CCDC138: variants seen among roughly 807,000 people sequenced by gnomAD.
CCDC138 encodes the protein coiled-coil domain-containing protein 138.
A neutral mutation model predicts 82.3 loss-of-function variants in CCDC138; 66 were observed. The observed-to-expected ratio is 0.80, with a 90% CI of 0.66 to 0.98. The LOEUF is 0.98. Among genes scored for constraint, CCDC138 ranks in the 50% least tolerant of loss-of-function variants. The pLI, the probability that CCDC138 is intolerant of heterozygous loss-of-function variation, is 0.00. For missense variants in CCDC138, 816 were observed against 758.9 expected (o/e 1.08, Z -0.88); for synonymous variants, 297 against 265.4 (o/e 1.12, Z -1.16).
chr2:108,797,793 A>G (rs935744547), intron 5 of CCDC138, among the ~76,000 whole-genome samples: 1 of 152,194 alleles, frequency 6.6e-6, no homozygotes, highest in Non-Finnish European at 1.5e-5. Flanking sequence ...AATATAGGAC[A>G]TGATGTATTC....
intron 10 of CCDC138, among the ~76,000 whole-genome samples, chr2:108,826,735 A>T (rs1686674337): frequency 6.6e-6 from 1 of 152,110 alleles, no homozygotes. Flanking sequence ...GGTCAATGGC[A>T]TTTTCATATG....
chr2:108,873,115 T>C (rs1158386157), intron 13 of CCDC138, among the ~76,000 whole-genome samples: 1 of 152,206 alleles, frequency 6.6e-6, no homozygotes, highest in Non-Finnish European at 1.5e-5. Context: ...CAGAATTTCT[T>C]GTTGCTAATT....
chr2:108,794,649 C>G lies in CCDC138; in HGVS notation c.504C>G (p.Asp168Glu). ...PVSCPKSKAS[D>E]KRSLLPHQIS... ...GCTGTCCAAAATCTAAAGCATCAGA[C>G]AAGCGGAGTTTACTTCCACATCAGA... is the stretch of plus-strand genomic sequence containing the variant. The change falls in exon 5 of 15, where the codon GAC (aspartate) becomes GAG (glutamate). Residue 168 changes from aspartate to glutamate, a missense_variant. By Grantham distance (45) the Asp-to-Glu change is conservative. Coordinates refer to ENST00000295124, the MANE Select transcript of CCDC138 (RefSeq NM_144978.3). 1 of 1,614,066 alleles carries G rather than the reference C, an allele frequency of 6.2e-7. No homozygotes were observed. Among genetic ancestry groups the G allele is most frequent in the Non-Finnish European group, 8.5e-7 (1 of 1,179,990 alleles).
chr2:108,858,747 T>G lies in CCDC138; in HGVS notation c.1693+1777T>G, dbSNP rs1261460810. On this transcript the variant is annotated intron_variant, in intron 13 of 14. Transcript: ENST00000295124. ...TTAGGGGGTACATGTGCAGGTGTGT[T>G]ACATGGATTTATTGTGTGATGCTGA... Among the ~76,000 whole-genome samples the G allele has an allele frequency of 2.6e-5, 4 of 152,226 alleles. No homozygotes were observed. In the East Asian group the frequency reaches 7.7e-4, roughly 29 times the overall value.
chr2:108,864,793 C>CATTAAAAAA (rs1694164250), intron 13 of CCDC138, among the ~76,000 whole-genome samples: 1 of 125,062 alleles, frequency 8.0e-6, no homozygotes, highest in African/African-American at 3.1e-5. Flanking sequence ...GACTCCATCT[C>CATTAAAAAA]AAAAAAAAAA....
At chr2:108,847,018 A>G (rs1260414030) in intron 12 of CCDC138, 88 bp downstream of exon 12, 2 of 761,086 alleles carry the variant, frequency 2.6e-6, no homozygotes, top group East Asian at 2.6e-5. Context: ...AATATGTTGT[A>G]CATTTTCAGA....
chr2:108,846,887 G>A lies in CCDC138; in HGVS notation c.1473G>A (p.Leu491=), dbSNP rs1020190659. 1 of 1,613,174 alleles carries A rather than the reference G, an allele frequency of 6.2e-7. No homozygotes were observed. Among genetic ancestry groups the A allele is most frequent in the Non-Finnish European group, 8.5e-7 (1 of 1,179,506 alleles). The change falls in exon 12 of 15, where the codon TTG becomes TTA. Residue 491 remains leucine, a synonymous_variant. Coordinates refer to ENST00000295124, the MANE Select transcript of CCDC138 (RefSeq NM_144978.3). The part of the protein sequence containing the change: ...AAFFKSSNLP[L]RFLSTLIVLK... ...TCTTTAAGAGCTCCAATTTGCCATT[G>A]AGATTTTTATCAACCTTAATTGTTC...
rs76507076 is a variant in CCDC138 at position 108,875,333 on chromosome 2, AAAAG to A, written c.1833-751_1833-748del. On this transcript the variant is annotated intron_variant, in intron 14 of 14. Coordinates refer to ENST00000295124, the MANE Select transcript of CCDC138 (RefSeq NM_144978.3). ...TTAAAGTATAATAAAAAAAAAAAAA[AAAAG>A]AAACAAATTCTTAATGATTGAAATG... is the stretch of plus-strand genomic sequence containing the variant. 1.3e-3 allele frequency among the ~76,000 whole-genome samples: 169 copies of A among 129,784 alleles called. 3 individuals are homozygous for A. Among genetic ancestry groups the A allele is most frequent in the East Asian group, 0.019 (2 of 108 alleles). 85.1% of individuals were successfully genotyped at this position (129,784 alleles called of 152,430 possible). A position where few individuals can be genotyped will look rare whatever the true frequency, so the allele number is the denominator to read the frequency against.
At chr2:108,821,553 A>T (rs554390230) in intron 10 of CCDC138, among the ~76,000 whole-genome samples, 3 of 152,366 alleles carry the variant, frequency 2.0e-5, no homozygotes, top group African/African-American at 7.2e-5. Flanking sequence ...AGTGTGTAAC[A>T]CACACAAAAA....
chr2:108,877,636 G>A (rs991387028), downstream of CCDC138, among the ~76,000 whole-genome samples: 1 of 152,182 alleles, frequency 6.6e-6, no homozygotes, highest in Admixed American at 6.5e-5. Context: ...CAGATACTAG[G>A]ACAGAGCCTG....
chr2:108,822,629 T>C (rs931477455), intron 10 of CCDC138, among the ~76,000 whole-genome samples: 4 of 152,108 alleles, frequency 2.6e-5, no homozygotes, highest in African/African-American at 9.7e-5. Flanking sequence ...AAGTGAAACC[T>C]CAAACCAAGG....
At chr2:108,821,511 A>G (rs1308288853) in intron 10 of CCDC138, among the ~76,000 whole-genome samples, 1 of 152,248 alleles carries the variant, frequency 6.6e-6, no homozygotes, top group East Asian at 1.9e-4. Flanking sequence ...TACTTACAGA[A>G]TATACACAAA....
chr2:108,869,926 G>C (rs1694984210), intron 13 of CCDC138, among the ~76,000 whole-genome samples: 1 of 152,082 alleles, frequency 6.6e-6, no homozygotes, highest in African/African-American at 2.4e-5. Flanking sequence ...TCATCCAAAG[G>C]AACAAAATAA....
At chr2:108,855,421 CTT>C (rs923431811) in intron 12 of CCDC138, among the ~76,000 whole-genome samples, 9 of 151,592 alleles carry the variant, frequency 5.9e-5, no homozygotes. Flanking sequence ...TGTGATAAAA[CTT>C]TTGTTCCTAT....
At chr2:108,786,949 C>T in intron 1 of CCDC138, 34 bp downstream of exon 1, 4 of 1,430,004 alleles carry the variant, frequency 2.8e-6, no homozygotes, top group Non-Finnish European at 3.7e-6. Context: ...CGGGTGGGCT[C>T]CTGCTGCTGG....
In CCDC138 at chr2:108,875,333, A is replaced by C. The variant is rs76751958; in HGVS notation, c.1833-755A>C. Among the ~76,000 whole-genome samples, 248 of 129,786 alleles carry C rather than the reference A, an allele frequency of 1.9e-3. 6 individuals carry two copies. In the East Asian group the frequency reaches 0.037, roughly 19 times the overall value. The allele number at this position is 129,786 out of a possible 152,430, so 85.1% of individuals were successfully genotyped here. ...TTAAAGTATAATAAAAAAAAAAAAAAAAAGAAACAAATTCTTAATGATTGA... is the reference window on the plus strand; with the variant it reads ...TTAAAGTATAATAAAAAAAAAAAAACAAAGAAACAAATTCTTAATGATTGA... On this transcript the variant is annotated intron_variant, in intron 14 of 14. Coordinates refer to ENST00000295124, the MANE Select transcript of CCDC138 (RefSeq NM_144978.3).
intron 6 of CCDC138, among the ~76,000 whole-genome samples, chr2:108,799,959 A>G (rs2149576905): frequency 6.6e-6 from 1 of 152,012 alleles, no homozygotes; most frequent in East Asian, 1.9e-4. Context: ...TTGTTTAAAA[A>G]ATTTATTTTT....
At chr2:108,857,300 A>G (rs1175729093) in intron 13 of CCDC138, among the ~76,000 whole-genome samples, 3 of 151,974 alleles carry the variant, frequency 2.0e-5, no homozygotes, top group African/African-American at 7.2e-5. Context: ...GATGGTCTGT[A>G]TCTCCTGACC....
At chr2:108,877,354 T>C (rs1696101380), downstream of CCDC138, among the ~76,000 whole-genome samples, 1 of 151,694 alleles carries the variant, frequency 6.6e-6, no homozygotes, top group Admixed American at 6.6e-5. Context: ...TGATCCTAGC[T>C]ACTCGGGAGG....
Sources: gnomAD v4.1 joint callset for allele counts (sites outside exome capture counted in the v4.1 genomes callset) on GRCh38, gnomAD v4.1.1 for gene constraint, MANE v1.5 for transcripts, NCBI Gene and HGNC (gene_info 2026-07-23, HGNC 2026-07-21) for gene names.